The following PCDHA1 variants were observed in gnomAD, a reference collection of about 807,000 sequenced individuals.
PCDHA1 encodes the protein protocadherin alpha 1.
Under a neutral mutation model 61.3 loss-of-function variants are expected in PCDHA1, and 42 were observed. The ratio of observed to expected loss-of-function variants is 0.69; its 90% confidence interval spans 0.54 to 0.89. The LOEUF (loss-of-function observed/expected upper bound fraction) is 0.89. PCDHA1 is among the 40% of genes least tolerant of loss of function. The probability of loss-of-function intolerance (pLI) is 0.00; values close to 1 mark genes in which losing one functional copy is unlikely to be tolerated. For synonymous variants in PCDHA1, 610 were observed against 553.8 expected (o/e 1.10, Z -1.43); for missense variants, 1,256 against 1,235.3 (o/e 1.02, Z -0.25).
chr5:140,788,384 G>A lies in PCDHA1; in HGVS notation c.2094G>A (p.Val698=), dbSNP rs139648072. Reference sequence around the variant, plus strand: ...AGGCGGCGCTGGTGGATGTCAACGTGTACCTGATCATCGCCATCTGCGCGG... The same window carrying A: ...AGGCGGCGCTGGTGGATGTCAACGTATACCTGATCATCGCCATCTGCGCGG... ...GPEAALVDVN[V]YLIIAICAVS... is the part of the protein sequence containing the mutation. Residue 698 remains valine (V), a synonymous_variant, in exon 1 of 4, where the codon GTG becomes GTA. Coordinates refer to ENST00000504120, the MANE Select transcript of PCDHA1 (RefSeq NM_018900.4). The A allele has an allele frequency of 4.2e-4, 672 of 1,614,066 alleles. 1 individual carries two copies. The African/African-American group carries it at 8.0e-3, about 19-fold the overall frequency.
chr5:140,928,100 T>C (rs1458420006), intron 1 of PCDHA1: 1 of 1,614,090 alleles, frequency 6.2e-7, no homozygotes, highest in African/African-American at 1.3e-5. Context: ...GATGGGCCCC[T>C]GGACCGGGAG....
intron 1 of PCDHA1, among the ~76,000 whole-genome samples, chr5:140,899,416 G>T (rs1442946841): frequency 6.6e-6 from 1 of 152,148 alleles, no homozygotes; most frequent in Admixed American, 6.5e-5. Flanking sequence ...GTTGAATTTT[G>T]TCAAAGGTCT....
intron 1 of PCDHA1, chr5:140,883,426 C>T: frequency 6.2e-7 from 1 of 1,614,196 alleles, no homozygotes; most frequent in Non-Finnish European, 8.5e-7. Context: ...GACAGGTCAC[C>T]TGCACCTTGA....
chr5:141,009,452 TAAAC>T (rs1226554195), intron 3 of PCDHA1, among the ~76,000 whole-genome samples, 171 bp from the exon 4 acceptor site: 1 of 152,120 alleles, frequency 6.6e-6, no homozygotes, highest in Non-Finnish European at 1.5e-5. Flanking sequence ...TCAAAAAAAT[TAAAC>T]AAATAAATAA....
At chr5:140,996,077 G>A in intron 3 of PCDHA1, among the ~76,000 whole-genome samples, 1 of 152,218 alleles carries the variant, frequency 6.6e-6, no homozygotes, top group East Asian at 1.9e-4. Flanking sequence ...GATTCAAGAT[G>A]TTTTTGCTAG....
intron 1 of PCDHA1, among the ~76,000 whole-genome samples, chr5:140,846,373 C>CTTTTTTTTTTTTTTTTTTTTTTTTTTTT (rs374699051): frequency 3.6e-5 from 2 of 55,152 alleles, no homozygotes; most frequent in Non-Finnish European, 8.2e-5. Flanking sequence ...TTCTTTCTTT[C>CTTTTTTTTTTTTTTTTTTTTTTTTTTTT]TTTTTTTTTT....
At chr5:140,883,308 C>T (rs782669562) in intron 1 of PCDHA1, 2 of 1,614,102 alleles carry the variant, frequency 1.2e-6, no homozygotes, top group South Asian at 1.1e-5. Flanking sequence ...AATGATAACG[C>T]CCCAGAGGTT....
At chr5:140,879,813 T>C in intron 1 of PCDHA1, among the ~76,000 whole-genome samples, 1 of 152,346 alleles carries the variant, frequency 6.6e-6, no homozygotes, top group African/African-American at 2.4e-5. Flanking sequence ...CTATTGGCTG[T>C]TGGTGTTCCC....
chr5:140,976,353 C>T (rs1401617354), intron 1 of PCDHA1, among the ~76,000 whole-genome samples: 2 of 151,992 alleles, frequency 1.3e-5, no homozygotes, highest in African/African-American at 2.4e-5. Context: ...GTGTTCAAGA[C>T]CAGCCTGGCC....
At chr5:140,999,398 A>G (rs17119351) in intron 3 of PCDHA1, among the ~76,000 whole-genome samples, 13,435 of 152,202 alleles carry the variant, frequency 0.088, 686 homozygotes, top group African/African-American at 0.14. Flanking sequence ...TTTGTTTTGC[A>G]TATGAAAGAA....
intron 1 of PCDHA1, chr5:140,803,713 CAGTTTTGT>C (rs782521607): frequency 4.0e-6 from 6 of 1,507,440 alleles, no homozygotes; most frequent in Non-Finnish European, 5.3e-6. Context: ...TAGACTTTTC[CAGTTTTGT>C]GGTTTTGTGG....
intron 1 of PCDHA1, among the ~76,000 whole-genome samples, chr5:140,922,848 C>T (rs1345344826): frequency 2.6e-5 from 4 of 151,962 alleles, no homozygotes; most frequent in African/African-American, 9.7e-5. Flanking sequence ...TCAAAGAGAC[C>T]AAATACATAG....
chr5:140,827,562 G>A (rs1342392070), intron 1 of PCDHA1, among the ~76,000 whole-genome samples: 2 of 152,094 alleles, frequency 1.3e-5, no homozygotes, highest in African/African-American at 4.8e-5. Flanking sequence ...TTTCCCTAGA[G>A]CACTATATAA....
chr5:140,854,797 A>G (rs1299295498), intron 1 of PCDHA1: 1 of 149,772 alleles, frequency 6.7e-6, no homozygotes, highest in African/African-American at 2.4e-5. Context: ...TGAGAGAGAA[A>G]AAAATATTTT....
intron 1 of PCDHA1, among the ~76,000 whole-genome samples, chr5:140,900,607 C>T (rs1340239730): frequency 6.6e-6 from 1 of 152,170 alleles, no homozygotes; most frequent in Non-Finnish European, 1.5e-5. Context: ...TGATGATGGA[C>T]ATGTAGATTG....
intron 1 of PCDHA1, among the ~76,000 whole-genome samples, chr5:140,900,040 G>A (rs1407235485): frequency 4.6e-5 from 7 of 152,046 alleles, no homozygotes; most frequent in Non-Finnish European, 8.8e-5. Flanking sequence ...GAATTCCTGG[G>A]CTCAAGTGAT....
intron 1 of PCDHA1, among the ~76,000 whole-genome samples, chr5:140,970,255 A>G (rs155806): frequency 0.089 from 13,563 of 152,250 alleles, 783 homozygotes; most frequent in Middle Eastern, 0.22. Context: ...GACAGTTTCT[A>G]TGGTTTTGAT....
chr5:140,928,351 G>A lies in PCDHA1; in HGVS notation c.2395-50598G>A, dbSNP rs201396871. ...CCTTGTCTCTTATGAGCTGTTGGAT[G>A]TTATCTCTGAAGGGCCATCAGCCTC... On this transcript the variant is annotated intron_variant, in intron 1 of 3. Coordinates refer to ENST00000504120, the MANE Select transcript of PCDHA1 (RefSeq NM_018900.4). The A allele has an allele frequency of 1.2e-5, 20 of 1,614,150 alleles. No individual in the cohort carries two copies. In the East Asian group the frequency reaches 4.5e-4, roughly 36 times the overall value.
At chr5:140,883,597 G>T (rs2059691205) in intron 1 of PCDHA1, 3 of 1,614,004 alleles carry the variant, frequency 1.9e-6, no homozygotes, top group Middle Eastern at 1.7e-4. Context: ...GCGTGTCGGT[G>T]GGGGTGGCCG....
Sources: allele counts gnomAD v4.1 joint callset (sites outside exome capture counted in the v4.1 genomes callset), GRCh38; gene constraint gnomAD v4.1.1; transcripts MANE v1.5; gene names NCBI Gene and HGNC (gene_info 2026-07-23, HGNC 2026-07-21).